The following ENTPD1 variants were observed in gnomAD, a reference collection of about 807,000 sequenced individuals.
The protein encoded by ENTPD1 is ectonucleoside triphosphate diphosphohydrolase 1.
ENTPD1 carries 33 observed loss-of-function variants against 57.0 expected under a neutral mutation model. That is an observed-to-expected ratio of 0.58 (90% CI 0.44 to 0.77). The LOEUF (loss-of-function observed/expected upper bound fraction) is 0.77, where lower values mean the gene tolerates loss of function less well. Among genes scored for constraint, ENTPD1 ranks in the 30% least tolerant of loss-of-function variants. The pLI is 0.00. For synonymous variants in ENTPD1, 202 were observed against 218.8 expected, an observed-to-expected ratio of 0.92 and a Z score of 0.68; for missense variants, 501 against 603.4, an observed-to-expected ratio of 0.83 and a Z score of 1.78.
intron 1 of ENTPD1, among the ~76,000 whole-genome samples, chr10:95,725,837 G>A (rs1185690366): frequency 2.6e-5 from 4 of 152,202 alleles, no homozygotes; most frequent in Admixed American, 2.0e-4. Flanking sequence ...TATCTTCTCA[G>A]ATAATTCCAT....
chr10:95,856,662 A>G (rs1160713443), intron 7 of ENTPD1, among the ~76,000 whole-genome samples: 1 of 147,772 alleles, frequency 6.8e-6, no homozygotes, highest in Non-Finnish European at 1.5e-5. Flanking sequence ...ATATATATAT[A>G]TATATATATA....
the ENTPD1 span, among the ~76,000 whole-genome samples, chr10:95,703,205 G>A: frequency 6.6e-6 from 1 of 152,136 alleles, no homozygotes; most frequent in Non-Finnish European, 1.5e-5. Context: ...AGATAAAAAT[G>A]TATTTATAAA....
At chr10:95,838,745 A>G (rs1481635876) in intron 2 of ENTPD1, among the ~76,000 whole-genome samples, 1 of 152,188 alleles carries the variant, frequency 6.6e-6, no homozygotes, top group East Asian at 1.9e-4. Flanking sequence ...ATTGAGGTGT[A>G]TGCCTAGTAT....
chr10:95,708,853 G>A (rs886754579), upstream of ENTPD1, among the ~76,000 whole-genome samples: 4 of 152,184 alleles, frequency 2.6e-5, no homozygotes, highest in African/African-American at 9.7e-5. Context: ...TGTATGTTGT[G>A]TGGTACTTAG....
At chr10:95,718,664 C>T (rs1409787045) in intron 1 of ENTPD1, among the ~76,000 whole-genome samples, 13 of 152,166 alleles carry the variant, frequency 8.5e-5, no homozygotes, top group Non-Finnish European at 1.8e-4. Context: ...AATTCTAGTG[C>T]CCGAGTGAGG....
chr10:95,830,095 A>G (rs545293189), intron 2 of ENTPD1, among the ~76,000 whole-genome samples: 1 of 152,290 alleles, frequency 6.6e-6, no homozygotes, highest in South Asian at 2.1e-4. Context: ...TAAGAAATAC[A>G]TTTATTTTTT....
At chr10:95,810,099 G>A (rs1363943651) in intron 1 of ENTPD1, among the ~76,000 whole-genome samples, 1 of 148,942 alleles carries the variant, frequency 6.7e-6, no homozygotes, top group Non-Finnish European at 1.5e-5. Context: ...TCACCTCCCG[G>A]ACAGGGCGGC....
intron 7 of ENTPD1, 27 bp downstream of exon 7, chr10:95,847,733 G>C (rs576189561): frequency 6.2e-7 from 1 of 1,614,014 alleles, no homozygotes; most frequent in East Asian, 2.2e-5. Flanking sequence ...ATGAGGTATA[G>C]GATGTCTTGT....
chr10:95,817,192 C>T (rs986775279), intron 1 of ENTPD1, among the ~76,000 whole-genome samples: 3 of 152,194 alleles, frequency 2.0e-5, no homozygotes, highest in African/African-American at 7.2e-5. Flanking sequence ...AAAAGACTCT[C>T]CAGTGCTGAG....
upstream of ENTPD1, chr10:95,755,783 T>C: frequency 6.5e-7 from 1 of 1,531,966 alleles, no homozygotes; most frequent in Non-Finnish European, 8.8e-7. Flanking sequence ...ACTTTCTTAT[T>C]ATCTAGCTTC....
At chr10:95,753,199 AT>A (rs2098014915), upstream of ENTPD1, 1 of 152,066 alleles carries the variant, frequency 6.6e-6, no homozygotes, top group Non-Finnish European at 1.5e-5. Context: ...ATTGATGATA[AT>A]TTTTTGTTGA....
intron 1 of ENTPD1, among the ~76,000 whole-genome samples, chr10:95,811,358 G>T (rs1055882583): frequency 6.6e-6 from 1 of 152,070 alleles, no homozygotes; most frequent in African/African-American, 2.4e-5. Flanking sequence ...AACCACCAGC[G>T]CACAACTTCC....
At position 95,842,327 on chromosome 10, in the gene ENTPD1, T is replaced by A; in HGVS notation, c.263-17T>A. The A allele has an allele frequency of 1.2e-6, 2 of 1,606,870 alleles. No individual in the cohort carries two copies. The highest frequency in any genetic ancestry group is 1.7e-6 in the Non-Finnish European group (2 of 1,173,542). On this transcript the variant is annotated splice_polypyrimidine_tract_variant and intron_variant, in intron 3 of 9. Coordinates refer to ENST00000371205, the MANE Select transcript of ENTPD1 (RefSeq NM_001776.6). ...ATTTTTTTTTAAAAGATTGTTATCT[T>A]CTACATTTTTTCCTAGGTCCTGGAA...
At chr10:95,718,008 G>A (rs537069037) in intron 1 of ENTPD1, among the ~76,000 whole-genome samples, 1 of 152,130 alleles carries the variant, frequency 6.6e-6, no homozygotes, top group Non-Finnish European at 1.5e-5. Flanking sequence ...AAGTGCAGGG[G>A]CATATATGGG....
chr10:95,753,649 C>T (rs926073237), upstream of ENTPD1: 1 of 152,198 alleles, frequency 6.6e-6, no homozygotes, highest in Non-Finnish European at 1.5e-5. Context: ...CTTTTGTCGA[C>T]AACGTCTGAT....
At chr10:95,753,506 A>C (rs567073071), upstream of ENTPD1, 2 of 152,366 alleles carry the variant, frequency 1.3e-5, no homozygotes, top group African/African-American at 4.8e-5. Flanking sequence ...ATATTTATGA[A>C]GTGCTAGTTA....
chr10:95,863,669 C>T (rs1220256354), intron 8 of ENTPD1, among the ~76,000 whole-genome samples: 1 of 152,168 alleles, frequency 6.6e-6, no homozygotes, highest in Non-Finnish European at 1.5e-5. Context: ...CAGACCCCAG[C>T]CAGCGGTTAG....
intron 8 of ENTPD1, 86 bp from the exon 9 acceptor site, chr10:95,864,638 C>T (rs886980032): frequency 6.3e-7 from 1 of 1,584,304 alleles, no homozygotes; most frequent in Non-Finnish European, 8.6e-7. Flanking sequence ...GCTTTCCCCT[C>T]TCTTCATCAG....
intron 2 of ENTPD1, among the ~76,000 whole-genome samples, chr10:95,832,079 T>C (rs1474026816): frequency 6.6e-6 from 1 of 152,186 alleles, no homozygotes; most frequent in African/African-American, 2.4e-5. Flanking sequence ...CAACATCTGA[T>C]TTGGGTAGTT....
Sources: allele counts gnomAD v4.1 joint callset (sites outside exome capture counted in the v4.1 genomes callset), GRCh38; gene constraint gnomAD v4.1.1; transcripts MANE v1.5; gene names NCBI Gene and HGNC (gene_info 2026-07-23, HGNC 2026-07-21).